Variants in ANXA13 observed in about 807,000 individuals in gnomAD.
The protein encoded by ANXA13 is annexin XIII.
A neutral mutation model predicts 46.6 loss-of-function variants in ANXA13; 36 were observed. The observed-to-expected ratio is 0.77, with a 90% CI of 0.59 to 1.02. ANXA13 has a LOEUF of 1.02. Among genes scored for constraint, ANXA13 ranks in the 50% least tolerant of loss-of-function variants. The pLI, the probability that ANXA13 is intolerant of heterozygous loss-of-function variation, is 0.00. For missense variants in ANXA13, 417 were observed against 396.5 expected (o/e 1.05, Z -0.44); for synonymous variants, 163 against 152.9 (o/e 1.07, Z -0.49).
At chr8:123,722,342 A>AAAGAAAGAAAG (rs1554595357) in intron 1 of ANXA13, among the ~76,000 whole-genome samples, 2 of 136,860 alleles carry the variant, frequency 1.5e-5, no homozygotes, top group African/African-American at 5.7e-5. Flanking sequence ...GAAAGAAAAG[A>AAAGAAAGAAAG]AAAGAAAGAA....
chr8:123,687,248 T>C (rs1054224570), intron 9 of ANXA13, among the ~76,000 whole-genome samples: 2 of 152,194 alleles, frequency 1.3e-5, no homozygotes, highest in Admixed American at 6.5e-5. Flanking sequence ...ATTCTCACAA[T>C]GCAGGTATAG....
chr8:123,713,284 A>G (rs1813695179), intron 1 of ANXA13, among the ~76,000 whole-genome samples: 2 of 152,238 alleles, frequency 1.3e-5, no homozygotes, highest in Admixed American at 6.5e-5. Flanking sequence ...TTTTGGTTTT[A>G]GTGCTCCTTG....
At chr8:123,692,743 G>A (rs993348546) in intron 8 of ANXA13, among the ~76,000 whole-genome samples, 5 of 152,158 alleles carry the variant, frequency 3.3e-5, no homozygotes, top group African/African-American at 1.2e-4. Flanking sequence ...GTGTGAAGAT[G>A]ATGTTCACGG....
At position 123,698,460 on chromosome 8, in the gene ANXA13, G is replaced by T. The variant is rs1813384891; in HGVS notation, c.286C>A (p.Gln96Lys). ...RPSEYAARQLQKAMKGLGTDE... is the reference protein window; with the variant it reads ...RPSEYAARQLKKAMKGLGTDE... ...GTGCCCAGACCCTTCATAGCCTTCT[G>T]CAGCTGCCGGGCGGCGTACTCGCTG... Residue 96 changes from glutamine (Q) to lysine (K), a missense_variant, in exon 4 of 11, where the codon CAG (glutamine) becomes AAG (lysine). Gln to Lys is a moderately conservative substitution (Grantham distance 53). Coordinates refer to ENST00000419625, the MANE Select transcript of ANXA13 (RefSeq NM_004306.4). 6.2e-7 allele frequency: 1 copy of T among 1,614,208 alleles called. No homozygotes were observed. The highest frequency in any genetic ancestry group is 8.5e-7 in the Non-Finnish European group (1 of 1,180,042).
At chr8:123,733,051 T>C (rs1814156070) in intron 1 of ANXA13, among the ~76,000 whole-genome samples, 1 of 152,208 alleles carries the variant, frequency 6.6e-6, no homozygotes, top group East Asian at 1.9e-4. Flanking sequence ...TAGTCCCACC[T>C]ACTTGGAGGT....
intron 6 of ANXA13, 92 bp from the exon 7 acceptor site, chr8:123,693,871 T>A: frequency 8.3e-7 from 1 of 1,207,244 alleles, no homozygotes; most frequent in Non-Finnish European, 1.2e-6. Flanking sequence ...GAGAAAGAGG[T>A]GAATTCTTTC....
chr8:123,706,381 G>A (rs1813540508), intron 2 of ANXA13, among the ~76,000 whole-genome samples: 1 of 152,244 alleles, frequency 6.6e-6, no homozygotes, highest in South Asian at 2.1e-4. Flanking sequence ...TCTCAGGCCT[G>A]GATCCTGGCA....
intron 2 of ANXA13, among the ~76,000 whole-genome samples, chr8:123,704,260 C>T (rs1278944506): frequency 6.6e-6 from 1 of 152,154 alleles, no homozygotes; most frequent in African/African-American, 2.4e-5. Context: ...CAGCAGTCAG[C>T]AATCTCTGGA....
At chr8:123,702,562 G>T in intron 3 of ANXA13, 80 bp downstream of exon 3, 2 of 1,090,098 alleles carry the variant, frequency 1.8e-6, no homozygotes, top group Non-Finnish European at 2.8e-6. Flanking sequence ...AAGATATTCT[G>T]CGTGGCCTGG....
rs995064339 is a variant in ANXA13 at position 123,680,830 on chromosome 8, C to G, written c.*410G>C. The G allele has an allele frequency of 6.4e-6, 1 of 155,466 alleles. No individual in the cohort carries two copies. The highest frequency in any genetic ancestry group is 2.4e-5 in the African/African-American group (1 of 41,562). The allele number at this position is 155,466 out of a possible 1,614,324, so 9.6% of individuals were successfully genotyped here. A position where few individuals can be genotyped will look rare whatever the true frequency, so the allele number is the denominator to read the frequency against. ...TCCACAACTTTAATTAACAATGAGG[C>G]TTTCAAATTGAACACACAGAAGGAA... On this transcript the variant is annotated 3_prime_UTR_variant, in exon 11 of 11. Transcript: ENST00000419625.
intron 9 of ANXA13, among the ~76,000 whole-genome samples, chr8:123,685,285 T>G (rs1813120354): frequency 6.6e-6 from 1 of 152,176 alleles, no homozygotes; most frequent in Non-Finnish European, 1.5e-5. Context: ...AAATGTTTGA[T>G]CCTTTTTAAA....
chr8:123,734,754 A>T (rs774462298), intron 1 of ANXA13, among the ~76,000 whole-genome samples: 3 of 149,796 alleles, frequency 2.0e-5, no homozygotes, highest in Non-Finnish European at 3.0e-5. Flanking sequence ...TGCTGATAAT[A>T]ACTTAAAAAT....
chr8:123,681,433 CAT>C lies in ANXA13; in HGVS notation c.832-76_832-75del, dbSNP rs1029014295. The C allele has an allele frequency of 2.8e-5, 40 of 1,438,458 alleles. No individual in the cohort carries two copies. The African/African-American group carries it at 4.4e-4, about 16-fold the overall frequency. The allele number at this position is 1,438,458 out of a possible 1,614,324, so 89.1% of individuals were successfully genotyped here. On this transcript the variant is annotated intron_variant, in intron 10 of 10. Transcript: ENST00000419625. The stretch of plus-strand genomic sequence containing the variant: ...CACAAACAGTGGGCACTGTTCTACA[CAT>C]GTTATACTCATTTGCTCATTCATGC...
intron 9 of ANXA13, among the ~76,000 whole-genome samples, chr8:123,685,770 C>T (rs182712376): frequency 1.3e-5 from 2 of 152,136 alleles, no homozygotes; most frequent in African/African-American, 2.4e-5. Context: ...AAAAGAAAAT[C>T]GCACCGGAAA....
intron 8 of ANXA13, among the ~76,000 whole-genome samples, chr8:123,691,265 G>C (rs1423045784): frequency 6.6e-6 from 1 of 152,132 alleles, no homozygotes; most frequent in African/African-American, 2.4e-5. Flanking sequence ...GAAGCCATCA[G>C]AAAAATCATA....
chr8:123,703,295 C>T (rs79204838), intron 2 of ANXA13, among the ~76,000 whole-genome samples: 290 of 148,258 alleles, frequency 2.0e-3, no homozygotes, highest in African/African-American at 7.0e-3. Context: ...TATGAAAGTC[C>T]GGAACAGGAG....
intron 4 of ANXA13, among the ~76,000 whole-genome samples, chr8:123,697,153 TC>T (rs1813355075): frequency 6.6e-6 from 1 of 152,152 alleles, no homozygotes. Context: ...CCTCAAGTGA[TC>T]CTCCTGCTTT....
chr8:123,721,143 T>C (rs13270815), intron 1 of ANXA13, among the ~76,000 whole-genome samples: 51,842 of 152,078 alleles, frequency 0.34, 9,054 homozygotes, highest in Non-Finnish European at 0.36. Flanking sequence ...TTCTCCCTTA[T>C]TTCACTTAGC....
At chr8:123,685,333 G>T (rs1028555291) in intron 9 of ANXA13, among the ~76,000 whole-genome samples, 1 of 152,018 alleles carries the variant, frequency 6.6e-6, no homozygotes, top group African/African-American at 2.4e-5. Flanking sequence ...GCTCTTTCCT[G>T]GCTTCCCCTT....
Sources: gnomAD v4.1 joint callset for allele counts (sites outside exome capture counted in the v4.1 genomes callset) on GRCh38, gnomAD v4.1.1 for gene constraint, MANE v1.5 for transcripts, NCBI Gene and HGNC (gene_info 2026-07-23, HGNC 2026-07-21) for gene names.